Variants in PCDHA9 observed in about 807,000 individuals in gnomAD.
The protein encoded by PCDHA9 is protocadherin alpha 9.
PCDHA9 carries 62 observed loss-of-function variants against 62.0 expected under a neutral mutation model. The ratio of observed to expected loss-of-function variants is 1.00; its 90% CI spans 0.81 to 1.23. The LOEUF is 1.23. Among genes scored for constraint, PCDHA9 ranks in the 50% most tolerant of loss-of-function variants. The pLI is 0.00. For missense variants in PCDHA9, 1,205 were observed against 1,249.8 expected (o/e 0.96, Z 0.54); for synonymous variants, 557 against 567.6 (o/e 0.98, Z 0.27).
intron 1 of PCDHA9, among the ~76,000 whole-genome samples, chr5:140,963,630 C>T (rs1370293911): frequency 3.3e-5 from 5 of 152,140 alleles, no homozygotes; most frequent in African/African-American, 1.2e-4. Flanking sequence ...TTGTTGCATA[C>T]GCATCTTCCC....
At chr5:140,999,806 A>G (rs1230100139) in intron 3 of PCDHA9, among the ~76,000 whole-genome samples, 1 of 152,152 alleles carries the variant, frequency 6.6e-6, no homozygotes, top group African/African-American at 2.4e-5. Context: ...TTTGGGCACA[A>G]AGCAAGAGCT....
intron 1 of PCDHA9, among the ~76,000 whole-genome samples, chr5:140,910,650 C>T (rs565503828): frequency 6.6e-6 from 1 of 152,312 alleles, no homozygotes; most frequent in East Asian, 1.9e-4. Flanking sequence ...CCTTTTGATC[C>T]CTTCCTCTAC....
At chr5:140,913,235 G>A (rs1554195817) in intron 1 of PCDHA9, among the ~76,000 whole-genome samples, 4 of 152,144 alleles carry the variant, frequency 2.6e-5, no homozygotes. Context: ...TTTGCTGGGA[G>A]ACTTTTTGTT....
chr5:140,870,478 T>C (rs782114058), intron 1 of PCDHA9: 1 of 1,614,112 alleles, frequency 6.2e-7, no homozygotes, highest in Admixed American at 1.7e-5. Flanking sequence ...ACAGCCCGAG[T>C]ACACCGTGTT....
intron 1 of PCDHA9, among the ~76,000 whole-genome samples, chr5:140,943,363 T>C (rs1192531762): frequency 2.0e-5 from 3 of 148,712 alleles, no homozygotes; most frequent in Non-Finnish European, 4.5e-5. Flanking sequence ...GGAAAGGAGA[T>C]CATTAAAATA....
chr5:140,955,505 C>T (rs1253768939), intron 1 of PCDHA9, among the ~76,000 whole-genome samples: 2 of 152,152 alleles, frequency 1.3e-5, no homozygotes, highest in African/African-American at 2.4e-5. Flanking sequence ...TGAAGAAAGA[C>T]GTGTTTGCTT....
intron 1 of PCDHA9, chr5:140,882,765 CGG>C: frequency 6.2e-7 from 1 of 1,614,222 alleles, no homozygotes; most frequent in Non-Finnish European, 8.5e-7. Flanking sequence ...GGAGTAAACT[CGG>C]CATTGACCTA....
chr5:140,995,918 G>A (rs1303145667), intron 3 of PCDHA9, among the ~76,000 whole-genome samples: 1 of 152,180 alleles, frequency 6.6e-6, no homozygotes, highest in Non-Finnish European at 1.5e-5. Flanking sequence ...GAGACCATAG[G>A]CTGTTGTAAG....
chr5:140,899,464 T>A (rs1357482231), intron 1 of PCDHA9, among the ~76,000 whole-genome samples: 22 of 152,226 alleles, frequency 1.4e-4, no homozygotes, highest in Admixed American at 2.0e-4. Context: ...GGTTTTTGTC[T>A]TTGGTTCTGT....
chr5:140,928,974 A>G (rs772759035), intron 1 of PCDHA9: 2 of 1,613,574 alleles, frequency 1.2e-6, no homozygotes, highest in Non-Finnish European at 1.7e-6. Flanking sequence ...TTTCCTTTTT[A>G]TTTCTGGGGT....
At chr5:140,877,207 G>C in intron 1 of PCDHA9, 3 of 1,613,796 alleles carry the variant, frequency 1.9e-6, no homozygotes, top group Non-Finnish European at 2.5e-6. Context: ...CGCAGTTAGC[G>C]AGTTGGTACC....
At chr5:140,904,471 C>G (rs2071156688) in intron 1 of PCDHA9, among the ~76,000 whole-genome samples, 1 of 151,730 alleles carries the variant, frequency 6.6e-6, no homozygotes, top group Non-Finnish European at 1.5e-5. Context: ...TGATTGGTGG[C>G]TATTTGGTCT....
intron 1 of PCDHA9, chr5:140,868,045 A>G (rs1452350688): frequency 3.3e-5 from 5 of 152,130 alleles, no homozygotes; most frequent in African/African-American, 1.2e-4. Flanking sequence ...GGAAATACCA[A>G]TATGGCACAA....
intron 1 of PCDHA9, among the ~76,000 whole-genome samples, chr5:140,902,686 A>G (rs1038713623): frequency 2.0e-5 from 3 of 152,090 alleles, no homozygotes; most frequent in Non-Finnish European, 4.4e-5. Context: ...CGTACCTAAT[A>G]TGTGTAGTCT....
Position 140,849,058 on chromosome 5 carries a change from A to T in PCDHA9, c.563A>T (p.Gln188Leu), listed in dbSNP as rs1222593356. 1.9e-6 allele frequency: 3 copies of T among 1,550,796 alleles called. No homozygotes were observed. In the African/African-American group the frequency reaches 4.5e-5, roughly 23 times the overall value. ...FFLDVPTSNQ[Q>L]VKPLGLVLRK... ...CTGGACGTGCCAACCAGCAACCAGC[A>T]GGTAAAACCTCTTGGACTTGTATTA... The change falls in exon 1 of 4, where the codon CAG (glutamine) becomes CTG (leucine). Residue 188 changes from glutamine (Q) to leucine (L), a missense_variant. Around this residue, in one of 3 missense-constraint regions of PCDHA9, gnomAD observed 110 missense variants for 227.2 expected, o/e 0.48. Coordinates refer to ENST00000532602, the MANE Select transcript of PCDHA9 (RefSeq NM_031857.2).
intron 1 of PCDHA9, chr5:140,875,761 G>T (rs373515339): frequency 8.7e-6 from 14 of 1,614,236 alleles, no homozygotes; most frequent in Non-Finnish European, 1.1e-5. Context: ...GAAGCTGTGC[G>T]GGCGGAGCGC....
At chr5:140,971,110 G>A (rs2096457221) in intron 1 of PCDHA9, among the ~76,000 whole-genome samples, 1 of 152,172 alleles carries the variant, frequency 6.6e-6, no homozygotes, top group Admixed American at 6.5e-5. Flanking sequence ...CTTTGGGATT[G>A]GGGTGGGCTA....
At chr5:140,875,760 C>T (rs781811926) in intron 1 of PCDHA9, 8 of 1,614,080 alleles carry the variant, frequency 5.0e-6, no homozygotes, top group Non-Finnish European at 5.9e-6. Context: ...AGAAGCTGTG[C>T]GGGCGGAGCG....
At position 141,010,718 on chromosome 5, in the gene PCDHA9, T is replaced by C. The variant is rs2154002137; in HGVS notation, c.*781T>C. Reference sequence around the variant, plus strand: ...TTTCCTATACATGTCCTGTGCTCACTTTATTAAAAATTCTTTTGCACACAA... The same window carrying C: ...TTTCCTATACATGTCCTGTGCTCACCTTATTAAAAATTCTTTTGCACACAA... On this transcript the variant is annotated 3_prime_UTR_variant, in exon 4 of 4. Coordinates refer to ENST00000532602, the MANE Select transcript of PCDHA9 (RefSeq NM_031857.2). The C allele has an allele frequency of 6.5e-6, 1 of 154,542 alleles. No homozygotes were observed. The highest frequency in any genetic ancestry group is 1.9e-4 in the East Asian group (1 of 5,208). 9.6% of individuals were successfully genotyped at this position (154,542 alleles called of 1,614,324 possible). A position where few individuals can be genotyped will look rare whatever the true frequency, so the allele number is the denominator to read the frequency against.
Sources: allele counts gnomAD v4.1 joint callset (sites outside exome capture counted in the v4.1 genomes callset), GRCh38; gene constraint gnomAD v4.1.1; regional missense constraint gnomAD v4.1.1; transcripts MANE v1.5; gene names NCBI Gene and HGNC (gene_info 2026-07-23, HGNC 2026-07-21).